CFAP221: variants seen among roughly 807,000 people sequenced by gnomAD.
The protein encoded by CFAP221 is cilia- and flagella-associated protein 221.
CFAP221 carries 97 observed loss-of-function variants against 113.1 expected under a neutral mutation model. The observed-to-expected ratio is 0.86, with a 90% CI of 0.73 to 1.02. The LOEUF is 1.02. Ranked by LOEUF, CFAP221 falls within the 50% of genes least tolerant of loss-of-function variation. The pLI is 0.00. For missense variants in CFAP221, 1,025 were observed against 1,013.4 expected, an observed-to-expected ratio of 1.01 and a Z score of -0.16; for synonymous variants, 331 against 354.4, an observed-to-expected ratio of 0.93 and a Z score of 0.74.
In CFAP221 at chr2:119,588,656, G is replaced by A. The variant is rs1016736709; in HGVS notation, c.631+1434G>A. Among the ~76,000 whole-genome samples, 3 of 152,162 alleles carry A rather than the reference G, an allele frequency of 2.0e-5. No homozygotes were observed. In the South Asian group the frequency reaches 6.2e-4, roughly 32 times the overall value. ...GCAGGGCCACATAATTCAGACAAAT[G>A]CATGATACATGAGATACTTTGTCTG... On this transcript the variant is annotated intron_variant, in intron 7 of 23. Transcript: ENST00000413369.
chr2:119,579,419 A>G (rs1406602267), intron 6 of CFAP221, among the ~76,000 whole-genome samples: 1 of 152,228 alleles, frequency 6.6e-6, no homozygotes, highest in Non-Finnish European at 1.5e-5. Context: ...GTCTCTTTAA[A>G]TATGAAGAAC....
chr2:119,607,853 A>C (rs764368178), intron 11 of CFAP221, among the ~76,000 whole-genome samples: 1 of 152,252 alleles, frequency 6.6e-6, no homozygotes, highest in Non-Finnish European at 1.5e-5. Context: ...ATTCCTTTTT[A>C]TGGCTGAATA....
chr2:119,644,519 G>A (rs945330996), intron 21 of CFAP221, among the ~76,000 whole-genome samples: 36 of 152,118 alleles, frequency 2.4e-4, no homozygotes, highest in African/African-American at 8.7e-4. Context: ...TTACTAACAA[G>A]GATAAGCTCT....
At chr2:119,645,138 C>G (rs1410472991) in intron 21 of CFAP221, among the ~76,000 whole-genome samples, 1 of 151,660 alleles carries the variant, frequency 6.6e-6, no homozygotes, top group Non-Finnish European at 1.5e-5. Context: ...CTGTCTCTCT[C>G]TCTCTCTCTG....
intron 3 of CFAP221, among the ~76,000 whole-genome samples, chr2:119,550,491 A>G (rs1409722025): frequency 6.6e-6 from 1 of 152,186 alleles, no homozygotes; most frequent in Admixed American, 6.5e-5. Context: ...AACTCTTATT[A>G]GGAACTTCAC....
Position 119,656,397 on chromosome 2 carries a change from C to T in CFAP221, c.2450C>T (p.Ala817Val). 1 of 1,613,956 alleles carries T rather than the reference C, an allele frequency of 6.2e-7. No homozygotes were observed. The change falls in exon 24 of 24, where the codon GCC (alanine) becomes GTC (valine). Residue 817 changes from alanine to valine, a missense_variant. Ala to Val is a moderately conservative substitution (Grantham distance 64). Coordinates refer to ENST00000413369, the MANE Select transcript of CFAP221 (RefSeq NM_001271049.2). ...VKDQAQPAEK[A>V]GEKLLEEMRN... ...GATCAAGCACAACCAGCAGAGAAGG[C>T]CGGAGAGAAGCTGCTCGAGGAGATG...
At chr2:119,605,562 G>A (rs150873285) in intron 11 of CFAP221, among the ~76,000 whole-genome samples, 4 of 152,170 alleles carry the variant, frequency 2.6e-5, no homozygotes, top group Admixed American at 6.5e-5. Flanking sequence ...CCTCACCCCC[G>A]GACAGATCTG....
chr2:119,598,583 A>G (rs1684151209), intron 7 of CFAP221, among the ~76,000 whole-genome samples: 1 of 152,228 alleles, frequency 6.6e-6, no homozygotes, highest in Admixed American at 6.5e-5. Flanking sequence ...CCTGGAGCAT[A>G]AGAGAGCAAT....
intron 8 of CFAP221, among the ~76,000 whole-genome samples, chr2:119,601,838 A>G (rs949100230): frequency 4.6e-5 from 7 of 152,242 alleles, no homozygotes; most frequent in African/African-American, 1.7e-4. Flanking sequence ...TAAGTCATAT[A>G]ACAAGTGATT....
chr2:119,609,920 A>T (rs376885503), intron 12 of CFAP221, among the ~76,000 whole-genome samples: 3 of 152,294 alleles, frequency 2.0e-5, no homozygotes, highest in East Asian at 3.9e-4. Flanking sequence ...TTCATTTTTC[A>T]TAAGACAAAA....
At chr2:119,615,423 C>T (rs528989311) in intron 13 of CFAP221, among the ~76,000 whole-genome samples, 188 bp from the exon 14 acceptor site, 1 of 152,266 alleles carries the variant, frequency 6.6e-6, no homozygotes, top group East Asian at 1.9e-4. Flanking sequence ...ACTTTTGGCC[C>T]CCAACTCAAG....
intron 21 of CFAP221, among the ~76,000 whole-genome samples, chr2:119,645,000 C>CCT (rs1433412411): frequency 1.5e-5 from 2 of 132,484 alleles, no homozygotes; most frequent in Non-Finnish European, 3.2e-5. Flanking sequence ...GGTCCCCCCC[C>CCT]CCACCCCCTC....
At chr2:119,546,454 G>C (rs149385874) in intron 2 of CFAP221, among the ~76,000 whole-genome samples, 184 bp downstream of exon 2, 1 of 152,204 alleles carries the variant, frequency 6.6e-6, no homozygotes, top group Non-Finnish European at 1.5e-5. Context: ...AGGTTTTTGT[G>C]GGGTATGTAA....
chr2:119,551,747 C>T (rs905448550), intron 3 of CFAP221, among the ~76,000 whole-genome samples: 6 of 152,156 alleles, frequency 3.9e-5, no homozygotes, highest in Non-Finnish European at 5.9e-5. Context: ...CTTGCAATTC[C>T]AAATGAATTT....
At chr2:119,634,808 G>A (rs958685898) in intron 19 of CFAP221, among the ~76,000 whole-genome samples, 2 of 152,162 alleles carry the variant, frequency 1.3e-5, no homozygotes, top group African/African-American at 4.8e-5. Flanking sequence ...GGTTATCAGA[G>A]GCTGAGAGAG....
At chr2:119,623,906 C>T (rs1686111593) in intron 14 of CFAP221, among the ~76,000 whole-genome samples, 1 of 152,052 alleles carries the variant, frequency 6.6e-6, no homozygotes, top group South Asian at 2.1e-4. Flanking sequence ...GACCTAAAAC[C>T]ATAAAAACCC....
chr2:119,603,167 C>T (rs542315866), intron 8 of CFAP221, among the ~76,000 whole-genome samples: 1 of 152,318 alleles, frequency 6.6e-6, no homozygotes, highest in South Asian at 2.1e-4. Context: ...GTGTGATAGA[C>T]TTACTCATGT....
intron 21 of CFAP221, among the ~76,000 whole-genome samples, chr2:119,643,583 C>T (rs1169781861): frequency 6.6e-6 from 1 of 152,110 alleles, no homozygotes; most frequent in Non-Finnish European, 1.5e-5. Flanking sequence ...CTCACTCTGT[C>T]ACCCAGGCTG....
chr2:119,650,331 G>A (rs1396118934), intron 22 of CFAP221, among the ~76,000 whole-genome samples: 2 of 152,342 alleles, frequency 1.3e-5, no homozygotes, highest in South Asian at 2.1e-4. Flanking sequence ...AAGGAATGTT[G>A]ATTTGCCATC....
Sources: gnomAD v4.1 joint callset for allele counts (sites outside exome capture counted in the v4.1 genomes callset) on GRCh38, gnomAD v4.1.1 for gene constraint, MANE v1.5 for transcripts, NCBI Gene and HGNC (gene_info 2026-07-23, HGNC 2026-07-21) for gene names.